Variants in ZNF112 observed in about 807,000 individuals in gnomAD.
ZNF112 encodes the protein zinc finger protein 112 (Y14).
A neutral mutation model predicts 77.7 loss-of-function variants in ZNF112; 37 were observed. The observed-to-expected ratio is 0.48, with a 90% CI of 0.37 to 0.63. The LOEUF is 0.63. ZNF112 is among the 20% of genes least tolerant of loss of function. ZNF112 has a pLI of 0.00. For synonymous variants in ZNF112, 333 were observed against 363.6 expected (o/e 0.92, Z 0.96); for missense variants, 950 against 1,077.4 (o/e 0.88, Z 1.66).
At chr19:44,365,769 T>C (rs1970898299) in intron 1 of ZNF112, among the ~76,000 whole-genome samples, 1 of 152,186 alleles carries the variant, frequency 6.6e-6, no homozygotes, top group African/African-American at 2.4e-5. Context: ...ATAAACTATA[T>C]TGATCTTCTC....
chr19:44,329,193 C>G lies in ZNF112; in HGVS notation c.964G>C (p.Glu322Gln). Residue 322 changes from glutamate (E) to glutamine (Q), a missense_variant, in exon 4 of 4, where the codon GAG becomes CAG. This residue lies in a region of ZNF112 where 560 missense variants were observed against 557.3 expected (regional missense o/e 1.00). Transcript: ENST00000354340. The part of the protein sequence containing the change: ...LKSYQRVHTE[E>Q]KPCKCGEYGE... ...TATTCACCACATTTGCATGGTTTCTCCTCTGTATGCACTCTCTGATAGGAT... is the reference window on the plus strand; with the variant it reads ...TATTCACCACATTTGCATGGTTTCTGCTCTGTATGCACTCTCTGATAGGAT... 6.2e-7 allele frequency: 1 copy of G among 1,613,850 alleles called. No homozygotes were observed. The highest frequency in any genetic ancestry group is 8.5e-7 in the Non-Finnish European group (1 of 1,179,982).
intron 1 of ZNF112, among the ~76,000 whole-genome samples, chr19:44,346,572 C>G (rs1229167437): frequency 6.6e-6 from 1 of 152,158 alleles, no homozygotes; most frequent in Non-Finnish European, 1.5e-5. Flanking sequence ...CAAAACTGAT[C>G]AGAGATAAGG....
exon 1 of ZNF112, chr19:44,367,159 G>T: frequency 2.2e-6 from 1 of 456,100 alleles, no homozygotes; most frequent in Non-Finnish European, 4.4e-6. Flanking sequence ...CAGGCTAAAC[G>T]AAACATTGCT....
intron 1 of ZNF112, among the ~76,000 whole-genome samples, chr19:44,349,204 T>A (rs975138342): frequency 6.6e-6 from 1 of 152,124 alleles, no homozygotes; most frequent in African/African-American, 2.4e-5. Context: ...CATTTCTTCA[T>A]ATTGTTGCTA....
rs1162811246 is a variant in ZNF112 at position 44,329,463 on chromosome 19, C to G, written c.694G>C (p.Glu232Gln). ...KENYSCHDCG[E>Q]DIMKVSLLNQ... ...AGTAATGATACCTTCATGATATCTTCTCCACAGTCATGGCAGCTGTAGTTT... is the reference window on the plus strand; with the variant it reads ...AGTAATGATACCTTCATGATATCTTGTCCACAGTCATGGCAGCTGTAGTTT... Residue 232 changes from glutamate (E) to glutamine (Q), a missense_variant, in exon 4 of 4, where the codon GAA (glutamate) becomes CAA (glutamine). Physicochemically the swap from Glu to Gln is conservative, Grantham distance 29. Coordinates refer to ENST00000354340, the MANE Select transcript of ZNF112 (RefSeq NM_013380.4). 6.2e-7 allele frequency: 1 copy of G among 1,614,108 alleles called. No homozygotes were observed. The highest frequency in any genetic ancestry group is 8.5e-7 in the Non-Finnish European group (1 of 1,179,994).
Position 44,328,041 on chromosome 19 carries a change from G to A in ZNF112, c.2116C>T (p.Gln706Ter), listed in dbSNP as rs1970166393. 6.2e-7 allele frequency: 1 copy of A among 1,613,940 alleles called. No individual in the cohort carries two copies. The highest frequency in any genetic ancestry group is 8.5e-7 in the Non-Finnish European group (1 of 1,179,956). ...GGTCTTTCTCCAGAATGGACACTCT[G>A]ATGACTCTGAAGGTATGATCTCTGA... ...FSQRSYLQSH[Q>*]SVHSGERPYI... is the part of the protein sequence containing the mutation. Residue 706 changes from glutamine (Q) to a stop codon, truncating the protein, a stop_gained, in exon 4 of 4, where the codon CAG (glutamine) becomes TAG (stop). Coordinates refer to ENST00000354340, the MANE Select transcript of ZNF112 (RefSeq NM_013380.4). LOFTEE classifies it high-confidence loss of function.
Position 44,329,015 on chromosome 19 carries a change from T to C in ZNF112, c.1142A>G (p.His381Arg), listed in dbSNP as rs760030718. 5.0e-6 allele frequency: 8 copies of C among 1,613,966 alleles called. No individual in the cohort carries two copies. The South Asian group carries it at 8.8e-5, about 18-fold the overall frequency. ...IFRVHTRDEP[H>R]EYEENENVFN... ...GACATTCTCATTTTCCTCATATTCA[T>C]GGGGTTCATCCCTAGTATGGACCCT... The change falls in exon 4 of 4, where the codon CAT (histidine) becomes CGT (arginine). Residue 381 changes from histidine to arginine, a missense_variant. His to Arg is a conservative substitution (Grantham distance 29). Around this residue, in one of 3 missense-constraint regions of ZNF112, gnomAD observed 560 missense variants for 557.3 expected, o/e 1.00. Transcript: ENST00000354340.
chr19:44,343,722 A>G (rs1285352556), intron 1 of ZNF112, among the ~76,000 whole-genome samples: 4 of 152,220 alleles, frequency 2.6e-5, no homozygotes, highest in Admixed American at 1.3e-4. Flanking sequence ...TCATCTGCAA[A>G]ATCCAGACCA....
chr19:44,334,353 T>G (rs1293347479), intron 3 of ZNF112, among the ~76,000 whole-genome samples: 1 of 152,224 alleles, frequency 6.6e-6, no homozygotes, highest in African/African-American at 2.4e-5. Flanking sequence ...CTGGAACTTA[T>G]ATTTAAAAAA....
intron 1 of ZNF112, among the ~76,000 whole-genome samples, chr19:44,346,869 T>C (rs943088737): frequency 6.6e-6 from 1 of 152,252 alleles, no homozygotes; most frequent in East Asian, 1.9e-4. Context: ...ACAGAAACAA[T>C]CAAACCTGAA....
At chr19:44,357,446 C>T (rs756222514), upstream of ZNF112, among the ~76,000 whole-genome samples, 1 of 152,160 alleles carries the variant, frequency 6.6e-6, no homozygotes, top group Non-Finnish European at 1.5e-5. Flanking sequence ...GGATCTCAAC[C>T]TTTCTTTGAC....
intron 1 of ZNF112, among the ~76,000 whole-genome samples, chr19:44,351,021 T>C (rs1970682090): frequency 6.6e-6 from 1 of 152,094 alleles, no homozygotes; most frequent in Non-Finnish European, 1.5e-5. Flanking sequence ...TCAGTTTCCT[T>C]GGGTTAAAGT....
At chr19:44,365,270 T>C (rs2123233157) in intron 1 of ZNF112, among the ~76,000 whole-genome samples, 1 of 152,024 alleles carries the variant, frequency 6.6e-6, no homozygotes, top group Admixed American at 6.6e-5. Context: ...CCCAGGCAAC[T>C]TGGTAAAAAA....
intron 1 of ZNF112, among the ~76,000 whole-genome samples, chr19:44,353,249 A>T (rs1970724818): frequency 6.6e-6 from 1 of 152,100 alleles, no homozygotes; most frequent in African/African-American, 2.4e-5. Flanking sequence ...CACATATTAT[A>T]AAAAAAGTTA....
intron 1 of ZNF112, among the ~76,000 whole-genome samples, chr19:44,350,308 T>A (rs369009452): frequency 6.6e-6 from 1 of 152,048 alleles, no homozygotes; most frequent in Non-Finnish European, 1.5e-5. Context: ...ATCAGTTGCA[T>A]GAATTTCATG....
intron 3 of ZNF112, among the ~76,000 whole-genome samples, chr19:44,333,713 C>T (rs1970312316): frequency 6.6e-6 from 1 of 152,160 alleles, no homozygotes; most frequent in Non-Finnish European, 1.5e-5. Flanking sequence ...TATAAGTTTC[C>T]TGAGGCCTCC....
chr19:44,359,412 C>T (rs1315234852), upstream of ZNF112, among the ~76,000 whole-genome samples: 2 of 145,144 alleles, frequency 1.4e-5, no homozygotes, highest in African/African-American at 5.1e-5. Context: ...CAACCTCTGC[C>T]TCTCGGCTTC....
chr19:44,352,932 A>C (rs756804554), intron 1 of ZNF112, among the ~76,000 whole-genome samples: 87 of 152,108 alleles, frequency 5.7e-4, no homozygotes, highest in Admixed American at 7.2e-4. Context: ...ATTTTACATA[A>C]TGTCAATGAA....
intron 3 of ZNF112, among the ~76,000 whole-genome samples, chr19:44,334,731 C>T (rs1446615643): frequency 6.6e-6 from 1 of 152,272 alleles, no homozygotes; most frequent in Non-Finnish European, 1.5e-5. Flanking sequence ...AACCCCAAGC[C>T]TTGGCAGCTT....
Sources: gnomAD v4.1 joint callset for allele counts (sites outside exome capture counted in the v4.1 genomes callset) on GRCh38, gnomAD v4.1.1 for gene constraint, gnomAD v4.1.1 regional missense constraint, MANE v1.5 for transcripts, NCBI Gene and HGNC (gene_info 2026-07-23, HGNC 2026-07-21) for gene names.